ARHGAP26: variants seen among roughly 807,000 people sequenced by gnomAD.
The protein encoded by ARHGAP26 is Rho GTPase activating protein 26.
ARHGAP26 carries 38 observed loss-of-function variants against 104.8 expected under a neutral mutation model. The ratio of observed to expected loss-of-function variants is 0.36; its 90% CI spans 0.28 to 0.48. The LOEUF is 0.48. Among genes scored for constraint, ARHGAP26 ranks in the 20% least tolerant of loss-of-function variants. The pLI, the probability that ARHGAP26 is intolerant of heterozygous loss-of-function variation, is 0.99. For missense variants in ARHGAP26, 704 were observed against 947.9 expected (o/e 0.74, Z 3.38); for synonymous variants, 341 against 340.0 (o/e 1.00, Z -0.03).
chr5:143,012,548 C>CATATATATATATATATTTATAT (rs1414408846), intron 11 of ARHGAP26, among the ~76,000 whole-genome samples: 1 of 23,346 alleles, frequency 4.3e-5, no homozygotes, highest in Non-Finnish European at 1.1e-4. Context: ...TATATACATA[C>CATATATATATATATATTTATAT]ATACATATAT....
intron 11 of ARHGAP26, among the ~76,000 whole-genome samples, chr5:142,937,446 G>A (rs951509645): frequency 6.6e-6 from 1 of 152,168 alleles, no homozygotes; most frequent in Non-Finnish European, 1.5e-5. Flanking sequence ...CACTGCTAGC[G>A]GGAATGTAAA....
At chr5:143,046,126 C>T (rs886403392) in intron 14 of ARHGAP26, among the ~76,000 whole-genome samples, 1 of 151,628 alleles carries the variant, frequency 6.6e-6, no homozygotes, top group African/African-American at 2.4e-5. Context: ...AAGAACGAAA[C>T]TCCATCCCCA....
At chr5:143,158,355 A>T (rs1289507598) in intron 20 of ARHGAP26, among the ~76,000 whole-genome samples, 1 of 152,246 alleles carries the variant, frequency 6.6e-6, no homozygotes, top group Non-Finnish European at 1.5e-5. Context: ...CAAGACAGGC[A>T]TCGAACTGTT....
At position 142,888,315 on chromosome 5, in the gene ARHGAP26, C is replaced by G. The variant is rs12657977; in HGVS notation, c.486+2916C>G. Among the ~76,000 whole-genome samples, 2,448 of 152,288 alleles carry G rather than the reference C, an allele frequency of 0.016. 192 individuals are homozygous for G. In the East Asian group the frequency reaches 0.24, roughly 15 times the overall value. On this transcript the variant is annotated intron_variant, in intron 5 of 22. Coordinates refer to ENST00000645722, the MANE Select transcript of ARHGAP26 (RefSeq NM_001135608.3). Reference sequence around the variant, plus strand: ...ATCTGGGGAGGGATGTTGAGGCTCTCTTGCCTGCTGACCATGTTATTTAGT... The same window carrying G: ...ATCTGGGGAGGGATGTTGAGGCTCTGTTGCCTGCTGACCATGTTATTTAGT...
intron 1 of ARHGAP26, among the ~76,000 whole-genome samples, chr5:142,866,248 T>A (rs895371567): frequency 6.6e-6 from 1 of 152,196 alleles, no homozygotes; most frequent in Admixed American, 6.5e-5. Flanking sequence ...TTTGAATACA[T>A]TGATACCAGA....
chr5:143,153,733 A>G (rs950601365), intron 20 of ARHGAP26, among the ~76,000 whole-genome samples: 1 of 152,296 alleles, frequency 6.6e-6, no homozygotes. Flanking sequence ...AAAAATAACT[A>G]ACTGCTCAGT....
chr5:142,824,152 G>T (rs1258252168), intron 1 of ARHGAP26, among the ~76,000 whole-genome samples: 2 of 152,152 alleles, frequency 1.3e-5, no homozygotes, highest in African/African-American at 4.8e-5. Context: ...GTGTGTGTGT[G>T]TACATTTGCT....
chr5:143,106,539 G>A (rs1388012626), intron 17 of ARHGAP26, among the ~76,000 whole-genome samples: 3 of 128,242 alleles, frequency 2.3e-5, no homozygotes, highest in East Asian at 4.9e-4. Flanking sequence ...GTGGTGCAAC[G>A]TCAGCTCATG....
intron 17 of ARHGAP26, among the ~76,000 whole-genome samples, chr5:143,120,297 A>G (rs1795987358): frequency 6.6e-6 from 1 of 152,142 alleles, no homozygotes; most frequent in South Asian, 2.1e-4. Context: ...TTAGCAAATT[A>G]CTCACAGGGT....
intron 20 of ARHGAP26, among the ~76,000 whole-genome samples, chr5:143,159,445 A>G (rs1173017812): frequency 6.6e-6 from 1 of 152,238 alleles, no homozygotes; most frequent in African/African-American, 2.4e-5. Flanking sequence ...CAGAGGAATT[A>G]GGTAGTTCTG....
rs1318043199 is a variant in ARHGAP26 at position 143,198,168 on chromosome 5, A to G, written c.1989-9030A>G. On this transcript the variant is annotated intron_variant, in intron 20 of 22. Coordinates refer to ENST00000645722, the MANE Select transcript of ARHGAP26 (RefSeq NM_001135608.3). ...CTTGAGTGAATTTGTTTTGGCAAGCACAATATCTTCATTATGTGGAGAAAG... is the reference window on the plus strand; with the variant it reads ...CTTGAGTGAATTTGTTTTGGCAAGCGCAATATCTTCATTATGTGGAGAAAG... Among the ~76,000 whole-genome samples the G allele has an allele frequency of 2.8e-4, 43 of 152,326 alleles. 1 individual carries two copies. Among genetic ancestry groups the G allele is most frequent in the Admixed American group, 2.8e-3 (43 of 15,304 alleles).
intron 17 of ARHGAP26, among the ~76,000 whole-genome samples, chr5:143,119,955 T>TG (rs1327761618): frequency 1.3e-5 from 2 of 151,900 alleles, no homozygotes; most frequent in East Asian, 3.9e-4. Context: ...TAGAATTGTG[T>TG]GAAAAAATAC....
At chr5:142,845,630 G>A (rs750452302) in intron 1 of ARHGAP26, among the ~76,000 whole-genome samples, 38 of 152,320 alleles carry the variant, frequency 2.5e-4, no homozygotes, top group Non-Finnish European at 5.3e-4. Flanking sequence ...AGAGGCTTCT[G>A]TGTGTACTGT....
intron 11 of ARHGAP26, among the ~76,000 whole-genome samples, chr5:143,006,251 A>T (rs188958013): frequency 1.1e-4 from 17 of 151,434 alleles, no homozygotes; most frequent in African/African-American, 4.1e-4. Context: ...CTGAGCACAC[A>T]TCTAGCTTTC....
chr5:143,211,541 C>T (rs1281426303), intron 21 of ARHGAP26, among the ~76,000 whole-genome samples: 1 of 151,712 alleles, frequency 6.6e-6, no homozygotes, highest in Non-Finnish European at 1.5e-5. Flanking sequence ...AAACAAGGCC[C>T]TTTCTTGGCT....
At chr5:143,210,455 C>T (rs1384037647) in intron 21 of ARHGAP26, among the ~76,000 whole-genome samples, 3 of 152,266 alleles carry the variant, frequency 2.0e-5, no homozygotes, top group Non-Finnish European at 1.5e-5. Context: ...CAAACCATAT[C>T]ACTGTCCCCT....
At chr5:142,937,057 A>G in intron 11 of ARHGAP26, among the ~76,000 whole-genome samples, 1 of 152,186 alleles carries the variant, frequency 6.6e-6, no homozygotes, top group South Asian at 2.1e-4. Flanking sequence ...TGTGTGTGAA[A>G]GACCCTGGTA....
intron 20 of ARHGAP26, among the ~76,000 whole-genome samples, chr5:143,174,267 T>G (rs978525795): frequency 1.3e-5 from 2 of 152,198 alleles, no homozygotes; most frequent in Non-Finnish European, 2.9e-5. Flanking sequence ...ACATAGCCAC[T>G]AAGAAAGAAC....
chr5:142,917,916 G>T (rs529083607), intron 10 of ARHGAP26, among the ~76,000 whole-genome samples: 16 of 152,030 alleles, frequency 1.1e-4, no homozygotes, highest in African/African-American at 3.9e-4. Flanking sequence ...CCTAGCAGTA[G>T]TATCACTTGT....
Sources: gnomAD v4.1 joint callset for allele counts (sites outside exome capture counted in the v4.1 genomes callset) on GRCh38, gnomAD v4.1.1 for gene constraint, MANE v1.5 for transcripts, NCBI Gene and HGNC (gene_info 2026-07-23, HGNC 2026-07-21) for gene names.